PYM1: variants seen among roughly 807,000 people sequenced by gnomAD.
The protein encoded by PYM1 is PYM1 exon junction complex associated factor, also known as partner of Y14 and mago.
Under a neutral mutation model 20.7 loss-of-function variants are expected in PYM1, and 7 were observed. The observed-to-expected ratio is 0.34, with a 90% CI of 0.19 to 0.64. The LOEUF is 0.64. Among genes scored for constraint, PYM1 ranks in the 30% least tolerant of loss-of-function variants. PYM1 has a pLI of 0.74. For synonymous variants in PYM1, 100 were observed against 99.2 expected, an observed-to-expected ratio of 1.01 and a Z score of -0.05; for missense variants, 194 against 250.0, an observed-to-expected ratio of 0.78 and a Z score of 1.51.
intron 1 of PYM1, among the ~76,000 whole-genome samples, chr12:55,911,148 G>A (rs1006096361): frequency 6.6e-6 from 1 of 152,044 alleles, no homozygotes; most frequent in African/African-American, 2.4e-5. Flanking sequence ...TGCTCTTGTA[G>A]CCCAGGCTGG....
At chr12:55,918,087 ATTTTCTTTTTTTTTT>A (rs894511809) in intron 1 of PYM1, among the ~76,000 whole-genome samples, 7 of 147,602 alleles carry the variant, frequency 4.7e-5, no homozygotes, top group Admixed American at 4.0e-4. Flanking sequence ...AAACCTACAC[ATTTTCTTTTTTTTTT>A]TTTTCTTTTT....
intron 1 of PYM1, chr12:55,927,472 T>C: frequency 1.4e-6 from 1 of 695,084 alleles, no homozygotes; most frequent in South Asian, 1.6e-5. Context: ...GGGGGCCTTA[T>C]AAATGAAGAA....
chr12:55,903,251 C>G, intron 2 of PYM1, 136 bp downstream of exon 2: 1 of 705,954 alleles, frequency 1.4e-6, no homozygotes, highest in South Asian at 2.1e-5. Context: ...TCTTTCTCTC[C>G]TTTCTCAGAT....
intron 1 of PYM1, among the ~76,000 whole-genome samples, chr12:55,917,671 A>C (rs565677607): frequency 3.3e-5 from 5 of 151,886 alleles, no homozygotes; most frequent in Admixed American, 2.6e-4. Context: ...TTTAAAAACT[A>C]TCTACTGGGG....
chr12:55,914,285 G>A, intron 1 of PYM1: 1 of 702,258 alleles, frequency 1.4e-6, no homozygotes, highest in East Asian at 2.7e-5. Context: ...CCTATTTTAT[G>A]TTATCTTGGT....
At chr12:55,909,710 A>G (rs896812943) in intron 1 of PYM1, among the ~76,000 whole-genome samples, 1 of 152,192 alleles carries the variant, frequency 6.6e-6, no homozygotes, top group African/African-American at 2.4e-5. Context: ...GGGCAGATAC[A>G]TTATCAAAGA....
intron 1 of PYM1, among the ~76,000 whole-genome samples, chr12:55,905,151 G>C (rs1227926825): frequency 6.7e-6 from 1 of 150,164 alleles, no homozygotes; most frequent in Non-Finnish European, 1.5e-5. Flanking sequence ...ACAGGCGCCT[G>C]CCACCACACC....
intron 1 of PYM1, among the ~76,000 whole-genome samples, chr12:55,908,525 T>C (rs1418889782): frequency 4.6e-5 from 7 of 152,140 alleles, no homozygotes; most frequent in Non-Finnish European, 7.4e-5. Context: ...ATGAATTGGT[T>C]TTTTGTTCAA....
intron 1 of PYM1, among the ~76,000 whole-genome samples, chr12:55,908,998 G>A (rs1206023132): frequency 6.6e-6 from 1 of 152,200 alleles, no homozygotes. Context: ...GGCGTGAGTA[G>A]GGAACAGAAA....
At chr12:55,905,623 A>G (rs939353306) in intron 1 of PYM1, among the ~76,000 whole-genome samples, 6 of 148,702 alleles carry the variant, frequency 4.0e-5, no homozygotes, top group Admixed American at 3.5e-4. Context: ...GAACTGCTTG[A>G]ACCCACGAGG....
chr12:55,919,479 C>T (rs1392240128), intron 1 of PYM1, among the ~76,000 whole-genome samples: 1 of 152,122 alleles, frequency 6.6e-6, no homozygotes, highest in Non-Finnish European at 1.5e-5. Context: ...TATTTTGTGT[C>T]ACATCTCAGA....
intron 1 of PYM1, among the ~76,000 whole-genome samples, chr12:55,925,591 A>C (rs1352751069): frequency 6.6e-6 from 1 of 152,256 alleles, no homozygotes; most frequent in African/African-American, 2.4e-5. Context: ...TGTGGGCAGT[A>C]AATGATGACA....
intron 1 of PYM1, among the ~76,000 whole-genome samples, chr12:55,917,404 G>A (rs1012002321): frequency 6.6e-6 from 1 of 150,698 alleles, no homozygotes; most frequent in Non-Finnish European, 1.5e-5. Context: ...TGGGCAACAA[G>A]AGCAAGACTC....
chr12:55,916,752 CAG>C (rs1316005271), intron 1 of PYM1, among the ~76,000 whole-genome samples: 9 of 152,058 alleles, frequency 5.9e-5, no homozygotes, highest in Non-Finnish European at 1.3e-4. Flanking sequence ...GAGCCGAGGT[CAG>C]GCCATTGCAC....
At chr12:55,914,098 T>C in intron 1 of PYM1, 1 of 430,098 alleles carries the variant, frequency 2.3e-6, no homozygotes, top group Non-Finnish European at 4.1e-6. Context: ...ACATGGAATT[T>C]GGGAGAAAGG....
At chr12:55,919,991 G>A (rs1883071442) in intron 1 of PYM1, among the ~76,000 whole-genome samples, 1 of 152,006 alleles carries the variant, frequency 6.6e-6, no homozygotes, top group South Asian at 2.1e-4. Flanking sequence ...AGCACTGCTT[G>A]TGAAAATGAG....
intron 1 of PYM1, among the ~76,000 whole-genome samples, chr12:55,921,295 A>C (rs1486147815): frequency 6.6e-6 from 1 of 152,222 alleles, no homozygotes; most frequent in Admixed American, 6.5e-5. Context: ...ACTTTATTTA[A>C]ATTTTAATAC....
intron 1 of PYM1, among the ~76,000 whole-genome samples, chr12:55,921,073 T>C (rs1213448698): frequency 6.6e-6 from 1 of 152,156 alleles, no homozygotes; most frequent in African/African-American, 2.4e-5. Flanking sequence ...AGAGAGGGAC[T>C]GGAAATACGA....
chr12:55,921,411 G>A (rs1205099538), intron 1 of PYM1, among the ~76,000 whole-genome samples: 1 of 151,988 alleles, frequency 6.6e-6, no homozygotes, highest in Non-Finnish European at 1.5e-5. Context: ...GATGGGATAA[G>A]GGTAACAGCA....
Sources: allele counts gnomAD v4.1 joint callset (sites outside exome capture counted in the v4.1 genomes callset), GRCh38; gene constraint gnomAD v4.1.1; transcripts MANE v1.5; gene names NCBI Gene and HGNC (gene_info 2026-07-23, HGNC 2026-07-21).